Variants in SORCS1 observed in about 807,000 individuals in gnomAD.
The protein encoded by SORCS1 is VPS10 domain-containing receptor SorCS1.
Under a neutral mutation model 146.1 loss-of-function variants are expected in SORCS1, and 60 were observed. The ratio of observed to expected loss-of-function variants is 0.41; its 90% CI spans 0.33 to 0.51. SORCS1 has a LOEUF of 0.51. Ranked by LOEUF, SORCS1 falls within the 20% of genes least tolerant of loss-of-function variation. The pLI is 0.21. For missense variants in SORCS1, 1,352 were observed against 1,487.6 expected (o/e 0.91, Z 1.50); for synonymous variants, 637 against 584.0 (o/e 1.09, Z -1.31).
chr10:106,588,440 A>G (rs1845374008), intron 24 of SORCS1, among the ~76,000 whole-genome samples: 1 of 152,122 alleles, frequency 6.6e-6, no homozygotes, highest in Non-Finnish European at 1.5e-5. Flanking sequence ...TTATTACTGG[A>G]GATAGTCGTT....
intron 1 of SORCS1, among the ~76,000 whole-genome samples, chr10:107,106,904 T>C (rs1200996084): frequency 6.6e-6 from 1 of 152,152 alleles, no homozygotes; most frequent in East Asian, 1.9e-4. Flanking sequence ...AAAATGGCCA[T>C]TTACGTACAA....
chr10:106,885,929 G>A (rs185892641), intron 2 of SORCS1, among the ~76,000 whole-genome samples: 1 of 152,152 alleles, frequency 6.6e-6, no homozygotes, highest in African/African-American at 2.4e-5. Context: ...CCCCATGATT[G>A]TGAGGCCCCT....
chr10:106,952,869 G>A (rs1442961960), intron 2 of SORCS1, among the ~76,000 whole-genome samples: 1 of 151,518 alleles, frequency 6.6e-6, no homozygotes, highest in Non-Finnish European at 1.5e-5. Context: ...TGTAGTCCCA[G>A]CTACTTGGGA....
intron 2 of SORCS1, among the ~76,000 whole-genome samples, chr10:106,886,915 C>T (rs1005842796): frequency 6.6e-6 from 1 of 152,218 alleles, no homozygotes; most frequent in Non-Finnish European, 1.5e-5. Flanking sequence ...GTGCCCAGGA[C>T]TATGCCAGGC....
At chr10:106,703,298 T>C (rs549459981) in intron 8 of SORCS1, among the ~76,000 whole-genome samples, 1 of 152,154 alleles carries the variant, frequency 6.6e-6, no homozygotes, top group East Asian at 1.9e-4. Context: ...AGCCTTCACA[T>C]CACCTGCATC....
chr10:106,607,711 G>A (rs1846703519), intron 22 of SORCS1, among the ~76,000 whole-genome samples: 1 of 152,148 alleles, frequency 6.6e-6, no homozygotes, highest in Non-Finnish European at 1.5e-5. Context: ...CCAAGGTGGT[G>A]ACCATGCCAG....
chr10:106,675,426 G>T (rs1363240313), intron 13 of SORCS1, among the ~76,000 whole-genome samples: 1 of 152,088 alleles, frequency 6.6e-6, no homozygotes, highest in Non-Finnish European at 1.5e-5. Context: ...TAAAATTGTT[G>T]AAAGTTTGGA....
intron 24 of SORCS1, among the ~76,000 whole-genome samples, chr10:106,595,162 G>A (rs749612122): frequency 3.1e-4 from 47 of 152,160 alleles, no homozygotes; most frequent in Non-Finnish European, 5.9e-5. Flanking sequence ...GTTGGCAGTG[G>A]CAGCCTTTTC....
At chr10:106,589,641 T>C (rs975333884) in intron 24 of SORCS1, among the ~76,000 whole-genome samples, 1 of 149,952 alleles carries the variant, frequency 6.7e-6, no homozygotes, top group Non-Finnish European at 1.5e-5. Context: ...TTTTCACTTA[T>C]ATGTTTGATG....
chr10:106,718,183 C>T (rs1855518376), intron 6 of SORCS1, among the ~76,000 whole-genome samples: 1 of 152,200 alleles, frequency 6.6e-6, no homozygotes, highest in Non-Finnish European at 1.5e-5. Context: ...GTTTGGGGAA[C>T]ACTGGCTGTG....
chr10:107,074,389 G>A (rs928074023), intron 1 of SORCS1, among the ~76,000 whole-genome samples: 6 of 152,004 alleles, frequency 3.9e-5, no homozygotes, highest in Non-Finnish European at 8.8e-5. Flanking sequence ...TTCTGATTAG[G>A]GCTGAGTAAT....
intron 2 of SORCS1, among the ~76,000 whole-genome samples, chr10:106,946,790 G>T (rs185543879): frequency 1.3e-5 from 2 of 152,174 alleles, no homozygotes; most frequent in East Asian, 3.9e-4. Flanking sequence ...AACTAGATTT[G>T]GGGTTTCTGT....
At chr10:106,856,237 G>C (rs185471032) in intron 2 of SORCS1, among the ~76,000 whole-genome samples, 2 of 152,228 alleles carry the variant, frequency 1.3e-5, no homozygotes, top group East Asian at 3.9e-4. Flanking sequence ...ATATTGACCA[G>C]GCTGATTTCG....
At chr10:106,750,728 C>CAAAAAAAAAAAA (rs572295853) in intron 5 of SORCS1, among the ~76,000 whole-genome samples, 15 of 24,022 alleles carry the variant, frequency 6.2e-4, no homozygotes, top group South Asian at 2.7e-3. Flanking sequence ...GACTCCCTCT[C>CAAAAAAAAAAAA]AAAAAAAAAA....
At chr10:107,073,223 A>G (rs1962592601) in intron 1 of SORCS1, among the ~76,000 whole-genome samples, 1 of 152,346 alleles carries the variant, frequency 6.6e-6, no homozygotes, top group East Asian at 1.9e-4. Context: ...AAAAGCATAA[A>G]GAGATGCAAC....
chr10:106,759,665 T>A (rs1858925862), intron 5 of SORCS1, among the ~76,000 whole-genome samples: 1 of 152,182 alleles, frequency 6.6e-6, no homozygotes, highest in South Asian at 2.1e-4. Context: ...CACAGCCACC[T>A]CTAGTTTAAT....
chr10:107,018,680 A>G (rs535207734), intron 1 of SORCS1, among the ~76,000 whole-genome samples: 3 of 146,456 alleles, frequency 2.0e-5, no homozygotes, highest in Admixed American at 6.8e-5. Context: ...GAAAAAAATT[A>G]AAAAAAAAAA....
At chr10:106,595,987 T>C (rs983712589) in intron 24 of SORCS1, among the ~76,000 whole-genome samples, 1 of 152,192 alleles carries the variant, frequency 6.6e-6, no homozygotes, top group East Asian at 1.9e-4. Flanking sequence ...GACACTATCC[T>C]AAGTGCATTA....
At chr10:106,927,712 G>A (rs1184762826) in intron 2 of SORCS1, among the ~76,000 whole-genome samples, 3 of 152,142 alleles carry the variant, frequency 2.0e-5, no homozygotes, top group Non-Finnish European at 4.4e-5. Flanking sequence ...GATACAGAGT[G>A]TTGACACAAA....
Sources: gnomAD v4.1 joint callset for allele counts (sites outside exome capture counted in the v4.1 genomes callset) on GRCh38, gnomAD v4.1.1 for gene constraint, MANE v1.5 for transcripts, NCBI Gene and HGNC (gene_info 2026-07-23, HGNC 2026-07-21) for gene names.